CSMD1: variants seen among roughly 807,000 people sequenced by gnomAD.
The protein encoded by CSMD1 is CUB and Sushi multiple domains 1, also known as CUB and sushi domain-containing protein 1.
In CSMD1, 213 loss-of-function variants were observed where a neutral mutation model predicts 417.5. The ratio of observed to expected loss-of-function variants is 0.51; its 90% CI spans 0.46 to 0.57. The LOEUF is 0.57. Ranked by LOEUF, CSMD1 falls within the 20% of genes least tolerant of loss-of-function variation. The pLI, the probability that CSMD1 is intolerant of heterozygous loss-of-function variation, is 0.00. For synonymous variants in CSMD1, 2,862 were observed against 1,736.8 expected (o/e 1.65, Z -16.11); for missense variants, 6,923 against 4,529.7 (o/e 1.53, Z -15.17).
intron 3 of CSMD1, among the ~76,000 whole-genome samples, chr8:4,130,030 T>A (rs1405575686): frequency 1.3e-5 from 2 of 152,214 alleles, no homozygotes; most frequent in East Asian, 3.9e-4. Context: ...AAGATTTTTA[T>A]GGCAGTCTGC....
chr8:4,460,662 G>A (rs569680148), intron 2 of CSMD1, among the ~76,000 whole-genome samples: 4 of 131,030 alleles, frequency 3.1e-5, no homozygotes, highest in Non-Finnish European at 4.5e-5. Context: ...TTAAGAAGAA[G>A]ACTGTAAGAG....
chr8:4,301,054 G>T (rs1399616752), intron 3 of CSMD1, among the ~76,000 whole-genome samples: 1 of 152,128 alleles, frequency 6.6e-6, no homozygotes, highest in Non-Finnish European at 1.5e-5. Context: ...AAGTCAGAAG[G>T]AGCCAAATCA....
chr8:3,681,173 T>C (rs1219183244), intron 7 of CSMD1, among the ~76,000 whole-genome samples: 1 of 152,196 alleles, frequency 6.6e-6, no homozygotes, highest in African/African-American at 2.4e-5. Flanking sequence ...AACATAGTGT[T>C]GGAAGTTCTG....
At chr8:3,002,226 A>C (rs1277797247) in intron 52 of CSMD1, among the ~76,000 whole-genome samples, 1 of 152,214 alleles carries the variant, frequency 6.6e-6, no homozygotes, top group Non-Finnish European at 1.5e-5. Flanking sequence ...TTGTGAAGAG[A>C]GACCCCCTGA....
intron 3 of CSMD1, among the ~76,000 whole-genome samples, chr8:4,390,514 T>TTTATTTATTTA (rs1803776099): frequency 6.7e-6 from 1 of 148,874 alleles, no homozygotes; most frequent in Admixed American, 6.7e-5. Context: ...TATTTATTTA[T>TTTATTTATTTA]TTATTTATTT....
At chr8:3,142,198 C>G (rs563010232) in intron 41 of CSMD1, among the ~76,000 whole-genome samples, 98 of 152,318 alleles carry the variant, frequency 6.4e-4, no homozygotes, top group African/African-American at 2.2e-3. Flanking sequence ...GCGTGAATTA[C>G]TCTTTCTCCA....
At chr8:3,159,239 T>C (rs1819730260) in intron 38 of CSMD1, among the ~76,000 whole-genome samples, 1 of 152,228 alleles carries the variant, frequency 6.6e-6, no homozygotes, top group Non-Finnish European at 1.5e-5. Context: ...ATCTAGGTAA[T>C]ATTCTGCTAT....
intron 3 of CSMD1, among the ~76,000 whole-genome samples, chr8:4,192,302 T>A (rs1446073631): frequency 4.6e-5 from 7 of 152,244 alleles, no homozygotes; most frequent in African/African-American, 1.4e-4. Context: ...TCATAAAGTA[T>A]GCAATTACAT....
At chr8:4,395,248 T>A (rs912288959) in intron 3 of CSMD1, among the ~76,000 whole-genome samples, 2 of 152,194 alleles carry the variant, frequency 1.3e-5, no homozygotes, top group Non-Finnish European at 2.9e-5. Context: ...TTATCTTCTT[T>A]TATCTTCTCT....
intron 1 of CSMD1, among the ~76,000 whole-genome samples, chr8:4,912,330 A>AGT (rs996244084): frequency 2.0e-5 from 3 of 149,116 alleles, no homozygotes; most frequent in African/African-American, 7.4e-5. Flanking sequence ...AAGAGGGAAG[A>AGT]ATTTCTTACA....
At chr8:3,966,846 T>A (rs553650988) in intron 5 of CSMD1, among the ~76,000 whole-genome samples, 1 of 152,322 alleles carries the variant, frequency 6.6e-6, no homozygotes, top group African/African-American at 2.4e-5. Context: ...GTACAGACAC[T>A]AAGCTCTATT....
At chr8:4,312,530 G>A (rs1424175461) in intron 3 of CSMD1, among the ~76,000 whole-genome samples, 4 of 150,608 alleles carry the variant, frequency 2.7e-5, no homozygotes, top group South Asian at 2.1e-4. Flanking sequence ...TACTTATTGA[G>A]AATGATGAAA....
chr8:3,747,445 G>A (rs982336140), intron 6 of CSMD1, among the ~76,000 whole-genome samples: 9 of 151,852 alleles, frequency 5.9e-5, no homozygotes, highest in African/African-American at 1.7e-4. Context: ...TCATCCATGC[G>A]AACACATAGC....
intron 10 of CSMD1, among the ~76,000 whole-genome samples, chr8:3,530,028 T>C (rs764834832): frequency 1.5e-4 from 23 of 152,204 alleles, no homozygotes; most frequent in Non-Finnish European, 2.8e-4. Flanking sequence ...GATAGAAGAA[T>C]GAGCCGTGAG....
At chr8:4,417,581 A>G (rs1325820254) in intron 3 of CSMD1, among the ~76,000 whole-genome samples, 2 of 152,010 alleles carry the variant, frequency 1.3e-5, no homozygotes, top group Non-Finnish European at 2.9e-5. Context: ...AGTTGCCTTT[A>G]TACGTCTTGG....
rs577582501 is a variant in CSMD1, at chr8:4,807,550, T to C, written c.86-169992A>G. On this transcript the variant is annotated intron_variant, in intron 1 of 69. Coordinates refer to ENST00000635120, the MANE Select transcript of CSMD1 (RefSeq NM_033225.6). ...AGAGCAGGACACCAGTACGTGTTCA[T>C]TGTTCCGTGGGCCTGAGCTTTGGAA... Among the ~76,000 whole-genome samples the C allele has an allele frequency of 1.4e-4, 22 of 152,288 alleles. No individual in the cohort carries two copies. In the South Asian group the frequency reaches 3.3e-3, roughly 23 times the overall value.
At chr8:3,210,605 TATAA>T in intron 30 of CSMD1, among the ~76,000 whole-genome samples, 1 of 148,478 alleles carries the variant, frequency 6.7e-6, no homozygotes, top group Admixed American at 6.8e-5. Context: ...TAGGTGTGTG[TATAA>T]ATATATAGAC....
chr8:3,706,813 T>C (rs767995403), intron 7 of CSMD1, among the ~76,000 whole-genome samples: 30 of 152,218 alleles, frequency 2.0e-4, no homozygotes, highest in Non-Finnish European at 4.0e-4. Flanking sequence ...GAACATTCTA[T>C]ACTAAAAGCT....
chr8:4,363,271 G>A (rs114707348), intron 3 of CSMD1, among the ~76,000 whole-genome samples: 517 of 152,262 alleles, frequency 3.4e-3, no homozygotes, highest in African/African-American at 0.011. Context: ...ACCCCTTAAA[G>A]GAGCCTTTTC....
Sources: allele counts gnomAD v4.1 joint callset (sites outside exome capture counted in the v4.1 genomes callset), GRCh38; gene constraint gnomAD v4.1.1; transcripts MANE v1.5; gene names NCBI Gene and HGNC (gene_info 2026-07-23, HGNC 2026-07-21).